The following PPFIA4 variants were observed in gnomAD, a reference collection of about 807,000 sequenced individuals.
PPFIA4 encodes PPFI scaffold protein A4, also known as liprin-alpha-4.
A neutral mutation model predicts 145.7 loss-of-function variants in PPFIA4; 98 were observed. The ratio of observed to expected loss-of-function variants is 0.67; its 90% CI spans 0.57 to 0.80. The LOEUF (loss-of-function observed/expected upper bound fraction) is 0.80, where lower values mean the gene tolerates loss of function less well. Among genes scored for constraint, PPFIA4 ranks in the 30% least tolerant of loss-of-function variants. The pLI, the probability that PPFIA4 is intolerant of heterozygous loss-of-function variation, is 0.00. For missense variants in PPFIA4, 1,457 were observed against 1,632.7 expected, an observed-to-expected ratio of 0.89 and a Z score of 1.85; for synonymous variants, 628 against 649.6, an observed-to-expected ratio of 0.97 and a Z score of 0.51.
chr1:203,069,174 A>G (rs1661953836), intron 27 of PPFIA4, among the ~76,000 whole-genome samples: 1 of 152,228 alleles, frequency 6.6e-6, no homozygotes, highest in Non-Finnish European at 1.5e-5. Context: ...TAAACATCTC[A>G]TGAAATTACA....
chr1:203,043,534 G>T lies in PPFIA4; in HGVS notation c.336+36G>T, dbSNP rs1343335740. ...ATGACCTTGTGTCGCGCGCGCGCAC[G>T]TGTGTGTGTGTGTGTATGGGGGTGT... On this transcript the variant is annotated intron_variant, in intron 3 of 29. Transcript: ENST00000295706. This position sits in a 1 kb window ranked among gnomAD's most constrained non-coding sequence, Gnocchi z 4.4. The T allele has an allele frequency of 9.2e-6, 9 of 978,828 alleles. No individual in the cohort carries two copies. The highest frequency in any genetic ancestry group is 3.8e-5 in the African/African-American group (2 of 52,584). 60.6% of individuals were successfully genotyped at this position (978,828 alleles called of 1,614,324 possible). A position where few individuals can be genotyped will look rare whatever the true frequency, so the allele number is the denominator to read the frequency against.
intron 1 of PPFIA4, among the ~76,000 whole-genome samples, chr1:203,027,549 C>G (rs1027007952): frequency 6.6e-6 from 1 of 152,082 alleles, no homozygotes; most frequent in Non-Finnish European, 1.5e-5. Context: ...GTTAAGGAGG[C>G]GCTGCTTCGC....
intron 25 of PPFIA4, among the ~76,000 whole-genome samples, chr1:203,064,658 A>G (rs1323029971): frequency 6.6e-6 from 1 of 152,224 alleles, no homozygotes; most frequent in Non-Finnish European, 1.5e-5. Flanking sequence ...CAGTATTTAA[A>G]CAGTAGATTT....
chr1:203,028,790 G>A (rs998241284), intron 1 of PPFIA4, among the ~76,000 whole-genome samples: 2 of 151,732 alleles, frequency 1.3e-5, no homozygotes, highest in African/African-American at 4.8e-5. Context: ...ATGGAGGGGA[G>A]GGAGTGGGGT....
chr1:203,051,375 A>G (rs1660492055), intron 13 of PPFIA4: 2 of 952,736 alleles, frequency 2.1e-6, no homozygotes, highest in Non-Finnish European at 2.5e-6. Flanking sequence ...ATCCCTTCCA[A>G]CATCTCCCAG....
chr1:203,027,899 T>G (rs1249821335), intron 1 of PPFIA4, among the ~76,000 whole-genome samples: 1 of 152,216 alleles, frequency 6.6e-6, no homozygotes, highest in Non-Finnish European at 1.5e-5. Context: ...AACAGCTGTC[T>G]GAATTAGACT....
At chr1:203,076,029 C>G (rs1440725830) in intron 29 of PPFIA4, 8 of 582,772 alleles carry the variant, frequency 1.4e-5, no homozygotes. Context: ...CCTGCTGACC[C>G]CCCATCCTCC....
Position 203,048,950 on chromosome 1 carries a change from G to C in PPFIA4, c.1389G>C (p.Gln463His). ...NTLIQELESS[Q>H]RQIEEQHHHK... ...TGATCCAGGAGTTGGAGAGCTCCCA[G>C]CGGCAGATTGAGGAGCAGCACCACC... is the stretch of plus-strand genomic sequence containing the variant. Residue 463 changes from glutamine to histidine, a missense_variant, in exon 12 of 30, where the codon CAG becomes CAC. Coordinates refer to ENST00000295706, the MANE Select transcript of PPFIA4 (RefSeq NM_001304331.2). This position sits in a 1 kb window ranked among gnomAD's most constrained non-coding sequence, Gnocchi z 5.8. The C allele has an allele frequency of 6.5e-7, 1 of 1,548,606 alleles. No individual in the cohort carries two copies. The highest frequency in any genetic ancestry group is 1.2e-5 in the South Asian group (1 of 83,974).
At chr1:203,029,518 G>A (rs564606621) in intron 1 of PPFIA4, among the ~76,000 whole-genome samples, 2 of 152,350 alleles carry the variant, frequency 1.3e-5, no homozygotes, top group Non-Finnish European at 2.9e-5. Context: ...GTTCTCTCAA[G>A]TAGCCTGTGA....
In PPFIA4 at chr1:203,043,594, G is replaced by A. The variant is rs954943593; in HGVS notation, c.336+96G>A. The A allele has an allele frequency of 4.4e-6, 5 of 1,126,558 alleles. No individual in the cohort carries two copies. The highest frequency in any genetic ancestry group is 6.5e-6 in the Non-Finnish European group (5 of 768,362). The allele number at this position is 1,126,558 out of a possible 1,614,324, so 69.8% of individuals were successfully genotyped here. A position where few individuals can be genotyped will look rare whatever the true frequency, so the allele number is the denominator to read the frequency against. On this transcript the variant is annotated intron_variant, in intron 3 of 29. Transcript: ENST00000295706. The surrounding 1 kb of genome is among the most constrained non-coding windows in gnomAD (Gnocchi z 4.4). ...ACCTTGACCAAGAGAGCAGGCAAGA[G>A]TGGGGCCAGGCACAGTCCTAGCTCA...
chr1:203,034,731 C>T, intron 1 of PPFIA4: 1 of 456,452 alleles, frequency 2.2e-6, no homozygotes, highest in Non-Finnish European at 4.4e-6. Context: ...AGGAGGAGGA[C>T]AGGGAAGGCC....
At chr1:203,064,825 A>G (rs1661622988) in intron 25 of PPFIA4, among the ~76,000 whole-genome samples, 1 of 152,150 alleles carries the variant, frequency 6.6e-6, no homozygotes, top group South Asian at 2.1e-4. Flanking sequence ...TGCTTCTCTC[A>G]CTTGTGTTAC....
chr1:203,045,293 C>T, intron 6 of PPFIA4, 75 bp from the exon 7 acceptor site: 1 of 1,323,822 alleles, frequency 7.6e-7, no homozygotes, highest in Non-Finnish European at 1.0e-6. Flanking sequence ...GTTCCTCCTT[C>T]CACCCCTGGG....
At chr1:203,070,350 G>T (rs756412348) in intron 27 of PPFIA4, among the ~76,000 whole-genome samples, 7 of 152,110 alleles carry the variant, frequency 4.6e-5, no homozygotes, top group Non-Finnish European at 7.4e-5. Context: ...GGAGGTCAAG[G>T]TGGGAGGATT....
rs762182819 is a variant in PPFIA4, at chr1:203,060,321, C to A, written c.2688C>A (p.Ile896=). The A allele has an allele frequency of 4.3e-6, 7 of 1,613,964 alleles. No homozygotes were observed. Residue 896 remains isoleucine, a synonymous_variant, in exon 22 of 30, where the codon ATC becomes ATA. Transcript: ENST00000295706. The surrounding 1 kb of genome is among the most constrained non-coding windows in gnomAD (Gnocchi z 4.8). Reference sequence around the variant, plus strand: ...CGGACACAGAGATCCAGCGGGAGATCGGCATCAGCAATGCCCTGCACCGGC... The same window carrying A: ...CGGACACAGAGATCCAGCGGGAGATAGGCATCAGCAATGCCCTGCACCGGC... The part of the protein sequence containing the change: ...ALSDTEIQRE[I]GISNALHRLK...
chr1:203,043,364 C>T lies in PPFIA4; in HGVS notation c.235-33C>T. On this transcript the variant is annotated intron_variant, in intron 2 of 29. Coordinates refer to ENST00000295706, the MANE Select transcript of PPFIA4 (RefSeq NM_001304331.2). This position sits in a 1 kb window ranked among gnomAD's most constrained non-coding sequence, Gnocchi z 4.4. ...GCAGGACACTGCTTTGGGGGTGAAT[C>T]CTGAAGCACTGAGGGGCCTTGGGGG... The T allele has an allele frequency of 1.3e-6, 2 of 1,574,162 alleles. No homozygotes were observed. Among genetic ancestry groups the T allele is most frequent in the African/African-American group, 1.3e-5 (1 of 74,222 alleles).
chr1:203,060,208 T>A lies in PPFIA4; in HGVS notation c.2584-9T>A. Reference sequence around the variant, plus strand: ...CCTTGAATTACCTCCCTGTGCCCGGTGTCTGCAGCTCTGGGTGGGGATGCC... The same window carrying A: ...CCTTGAATTACCTCCCTGTGCCCGGAGTCTGCAGCTCTGGGTGGGGATGCC... On this transcript the variant is annotated splice_polypyrimidine_tract_variant and intron_variant, in intron 21 of 29. Coordinates refer to ENST00000295706, the MANE Select transcript of PPFIA4 (RefSeq NM_001304331.2). This position sits in a 1 kb window ranked among gnomAD's most constrained non-coding sequence, Gnocchi z 4.8. The A allele has an allele frequency of 6.2e-7, 1 of 1,613,324 alleles. No homozygotes were observed. Among genetic ancestry groups the A allele is most frequent in the South Asian group, 1.1e-5 (1 of 91,010 alleles).
intron 12 of PPFIA4, 52 bp downstream of exon 12, chr1:203,049,032 A>T: frequency 6.6e-7 from 1 of 1,516,108 alleles, no homozygotes; most frequent in Non-Finnish European, 8.9e-7. Context: ...GGTTGCAGGG[A>T]GGAAAGGACA....
At chr1:203,051,959 G>A (rs1170202520) in intron 14 of PPFIA4, 82 bp downstream of exon 14, 1 of 1,467,918 alleles carries the variant, frequency 6.8e-7, no homozygotes, top group Non-Finnish European at 9.3e-7. Flanking sequence ...GACGGCTGGT[G>A]TGTGGGGCAA....
Sources: gnomAD v4.1 joint callset for allele counts (sites outside exome capture counted in the v4.1 genomes callset) on GRCh38, gnomAD v4.1.1 for gene constraint, Gnocchi (gnomAD v3.1) non-coding constraint, MANE v1.5 for transcripts, NCBI Gene and HGNC (gene_info 2026-07-23, HGNC 2026-07-21) for gene names.